Variants in UNC13C observed in about 807,000 individuals in gnomAD.
The protein encoded by UNC13C is unc-13 homolog C.
In UNC13C, 174 loss-of-function variants were observed where a neutral mutation model predicts 245.4. The observed-to-expected ratio is 0.71, with a 90% CI of 0.63 to 0.80. UNC13C has a LOEUF of 0.80. UNC13C is among the 30% of genes least tolerant of loss of function. The pLI is 0.00. For missense variants in UNC13C, 2,829 were observed against 2,602.9 expected (o/e 1.09, Z -1.89); for synonymous variants, 992 against 895.1 (o/e 1.11, Z -1.93).
chr15:54,240,910 A>G (rs1344581328), intron 7 of UNC13C, among the ~76,000 whole-genome samples: 3 of 152,186 alleles, frequency 2.0e-5, no homozygotes. Flanking sequence ...CGGTAATTCA[A>G]TACATGCTTA....
intron 13 of UNC13C, chr15:54,321,459 C>A (rs1034346518): frequency 1.2e-5 from 6 of 489,028 alleles, no homozygotes; most frequent in South Asian, 3.0e-5. Context: ...TGCGGCCTTG[C>A]GTTCATGGCT....
chr15:53,866,172 A>G, the UNC13C span, among the ~76,000 whole-genome samples: 1 of 152,222 alleles, frequency 6.6e-6, no homozygotes, highest in Non-Finnish European at 1.5e-5. Flanking sequence ...GTTATATCAC[A>G]TAAAAATAAA....
chr15:54,220,454 G>C (rs532196500), intron 4 of UNC13C, among the ~76,000 whole-genome samples: 1 of 139,764 alleles, frequency 7.2e-6, no homozygotes, highest in East Asian at 2.1e-4. Flanking sequence ...TGTGGGGTAG[G>C]GGGAGGGGGG....
At chr15:53,980,922 T>C (rs1233849607) in intron 1 of UNC13C, among the ~76,000 whole-genome samples, 1 of 152,190 alleles carries the variant, frequency 6.6e-6, no homozygotes, top group Admixed American at 6.5e-5. Flanking sequence ...ACAGAACTAG[T>C]TGCTTAAGAG....
the UNC13C span, among the ~76,000 whole-genome samples, chr15:53,949,905 A>C: frequency 6.6e-6 from 1 of 152,220 alleles, no homozygotes; most frequent in African/African-American, 2.4e-5. Context: ...CTTATAATAA[A>C]TTCAGGTTTA....
intron 19 of UNC13C, among the ~76,000 whole-genome samples, chr15:54,450,896 T>G (rs1891136642): frequency 6.6e-6 from 1 of 152,158 alleles, no homozygotes; most frequent in African/African-American, 2.4e-5. Context: ...GCTGTTCCTA[T>G]TTGGCCATCT....
chr15:54,515,106 C>T lies in UNC13C; in HGVS notation c.5457+3276C>T, dbSNP rs992103011. On this transcript the variant is annotated intron_variant, in intron 24 of 32. Coordinates refer to ENST00000260323, the MANE Select transcript of UNC13C (RefSeq NM_001080534.3). ...ATATAAAAAAAAATCTCACAAACCA[C>T]GAAGAAAAACTAACCTTTAGGAATG... is the stretch of plus-strand genomic sequence containing the variant. Among the ~76,000 whole-genome samples, 22 of 152,086 alleles carry T rather than the reference C, an allele frequency of 1.4e-4. No homozygotes were observed. In the Middle Eastern group the frequency reaches 0.01, roughly 71 times the overall value.
the UNC13C span, among the ~76,000 whole-genome samples, chr15:53,906,740 G>A: frequency 6.6e-6 from 1 of 152,172 alleles, no homozygotes; most frequent in East Asian, 1.9e-4. Context: ...GATACTACCC[G>A]AGATTGGGTA....
At chr15:54,452,999 G>T (rs982106486) in intron 19 of UNC13C, among the ~76,000 whole-genome samples, 11 of 152,204 alleles carry the variant, frequency 7.2e-5, no homozygotes, top group African/African-American at 2.7e-4. Context: ...TTGGGGCCCA[G>T]GACAGGATGC....
chr15:54,557,247 AGTT>A (rs2141200655), intron 29 of UNC13C, among the ~76,000 whole-genome samples: 1 of 151,940 alleles, frequency 6.6e-6, no homozygotes, highest in African/African-American at 2.4e-5. Context: ...AGCGTGTGTC[AGTT>A]CTCCAGTTCC....
intron 4 of UNC13C, among the ~76,000 whole-genome samples, chr15:54,209,211 C>A (rs1417097254): frequency 3.3e-5 from 5 of 152,062 alleles, no homozygotes; most frequent in African/African-American, 1.2e-4. Flanking sequence ...GGGTAAATGT[C>A]TTAGAAACCC....
intron 1 of UNC13C, among the ~76,000 whole-genome samples, chr15:53,994,089 G>A (rs1227151679): frequency 1.3e-5 from 2 of 151,858 alleles, no homozygotes; most frequent in South Asian, 2.1e-4. Context: ...GTTATTAGCT[G>A]TATCTTTTGT....
chr15:54,132,148 G>A (rs1485057527), intron 2 of UNC13C, among the ~76,000 whole-genome samples: 1 of 145,856 alleles, frequency 6.9e-6, no homozygotes, highest in Admixed American at 7.0e-5. Context: ...CTCACTGCAA[G>A]CTCCGCCTCC....
chr15:54,626,429 G>T (rs80318909), intron 32 of UNC13C, among the ~76,000 whole-genome samples: 2 of 31,780 alleles, frequency 6.3e-5, no homozygotes, highest in Non-Finnish European at 2.5e-4. Context: ...AAAGTGCGAG[G>T]AGTAGTAACT....
chr15:53,944,837 TTGCTACAC>T, the UNC13C span, among the ~76,000 whole-genome samples: 12 of 152,168 alleles, frequency 7.9e-5, no homozygotes, highest in Admixed American at 5.9e-4. Context: ...CTCTGAGGAA[TTGCTACAC>T]TGCTTTTGAT....
At chr15:54,074,352 G>A (rs1898485003) in intron 2 of UNC13C, among the ~76,000 whole-genome samples, 1 of 152,188 alleles carries the variant, frequency 6.6e-6, no homozygotes, top group Non-Finnish European at 1.5e-5. Flanking sequence ...GATTTTCTTG[G>A]CTATGTGGGC....
chr15:54,632,281 T>C (rs895026375), downstream of UNC13C: 5 of 152,230 alleles, frequency 3.3e-5, no homozygotes, highest in African/African-American at 7.2e-5. Flanking sequence ...CCGTGGCTAG[T>C]CTTTTCATTT....
intron 20 of UNC13C, among the ~76,000 whole-genome samples, chr15:54,498,807 C>T (rs1336097055): frequency 6.6e-6 from 1 of 152,082 alleles, no homozygotes; most frequent in Non-Finnish European, 1.5e-5. Flanking sequence ...ATAAAGATAG[C>T]AATTCCCCCC....
At chr15:54,538,133 C>CAAAAAAA (rs56041311) in intron 26 of UNC13C, among the ~76,000 whole-genome samples, 5 of 10,248 alleles carry the variant, frequency 4.9e-4, no homozygotes, top group Admixed American at 2.6e-3. Context: ...CATTAACAAG[C>CAAAAAAA]AAAAAAAAAA....
Sources: gnomAD v4.1 joint callset for allele counts (sites outside exome capture counted in the v4.1 genomes callset) on GRCh38, gnomAD v4.1.1 for gene constraint, MANE v1.5 for transcripts, NCBI Gene and HGNC (gene_info 2026-07-23, HGNC 2026-07-21) for gene names.